IST1: variants seen among roughly 807,000 people sequenced by gnomAD.
IST1 encodes IST1 homolog.
IST1 carries 23 observed loss-of-function variants against 37.0 expected under a neutral mutation model. That is an observed-to-expected ratio of 0.62 (90% confidence interval 0.45 to 0.88). The LOEUF is 0.88. Ranked by LOEUF, IST1 falls within the 40% of genes least tolerant of loss-of-function variation. IST1 has a pLI of 0.00. For synonymous variants in IST1, 180 were observed against 161.7 expected (o/e 1.11, Z -0.86); for missense variants, 488 against 445.4 (o/e 1.10, Z -0.86).
intron 3 of IST1, 93 bp from the exon 4 acceptor site, chr16:71,916,954 A>T: frequency 1.4e-6 from 1 of 734,356 alleles, no homozygotes; most frequent in Non-Finnish European, 2.2e-6. Context: ...GATTCACAGA[A>T]TGGCTTTGGA....
Position 71,901,309 on chromosome 16 carries a change from G to A in IST1, c.-16+5720G>A, listed in dbSNP as rs182173233. On this transcript the variant is annotated intron_variant, in intron 1 of 9. Transcript: ENST00000378799. ...GCTCACTGCAAGCTCCACCTCCCGG[G>A]TTCACGCCATTCTCCTGCCTCACCC... Among the ~76,000 whole-genome samples, 47 of 152,166 alleles carry A rather than the reference G, an allele frequency of 3.1e-4. No homozygotes were observed. The East Asian group carries it at 8.1e-3, about 26-fold the overall frequency.
intron 1 of IST1, among the ~76,000 whole-genome samples, chr16:71,896,509 T>C (rs1181078068): frequency 6.6e-6 from 1 of 152,194 alleles, no homozygotes; most frequent in Non-Finnish European, 1.5e-5. Context: ...TTGTTTTATC[T>C]ATACCCTTCC....
chr16:71,901,719 A>C (rs1597232693), intron 1 of IST1, among the ~76,000 whole-genome samples: 2 of 152,286 alleles, frequency 1.3e-5, no homozygotes, highest in East Asian at 3.9e-4. Context: ...TTCTTTCCTT[A>C]ATTCTAAAAC....
chr16:71,920,026 G>A (rs902288692), intron 4 of IST1, among the ~76,000 whole-genome samples: 1 of 152,180 alleles, frequency 6.6e-6, no homozygotes, highest in Non-Finnish European at 1.5e-5. Context: ...CTACACATCT[G>A]GACCCTACTG....
chr16:71,912,771 T>TC (rs1193243749), intron 1 of IST1, among the ~76,000 whole-genome samples: 1 of 152,142 alleles, frequency 6.6e-6, no homozygotes, highest in Non-Finnish European at 1.5e-5. Flanking sequence ...TTCCCCCTAC[T>TC]CCCGGACCCT....
intron 8 of IST1, chr16:71,924,251 G>A (rs768495441): frequency 2.2e-6 from 1 of 444,496 alleles, no homozygotes; most frequent in Non-Finnish European, 4.5e-6. Context: ...TTGCCCAAAG[G>A]TGAAAGTATC....
intron 7 of IST1, chr16:71,922,892 A>G (rs1416451002): frequency 3.3e-6 from 2 of 597,580 alleles, no homozygotes; most frequent in South Asian, 4.1e-5. Context: ...AGTTGGTGCT[A>G]GAAAAACACT....
At chr16:71,916,423 C>G (rs2037467963) in intron 2 of IST1, 39 bp from the exon 3 acceptor site, 2 of 1,601,226 alleles carry the variant, frequency 1.2e-6, no homozygotes, top group Admixed American at 1.7e-5. Context: ...GATGCAAGTG[C>G]TCTACTGCTG....
intron 1 of IST1, among the ~76,000 whole-genome samples, chr16:71,897,944 G>A (rs1023739038): frequency 7.2e-5 from 11 of 152,222 alleles, no homozygotes; most frequent in African/African-American, 1.4e-4. Context: ...GTGAGAATCC[G>A]TCTCAAAAAG....
chr16:71,904,519 T>G (rs1432891685), intron 1 of IST1, among the ~76,000 whole-genome samples: 1 of 152,158 alleles, frequency 6.6e-6, no homozygotes, highest in African/African-American at 2.4e-5. Context: ...CTTAAGCAGT[T>G]CTCCCACTTC....
At chr16:71,902,817 T>C (rs960418564) in intron 1 of IST1, among the ~76,000 whole-genome samples, 1 of 152,192 alleles carries the variant, frequency 6.6e-6, no homozygotes, top group Admixed American at 6.6e-5. Context: ...TATATAGGTA[T>C]GTCAGTTTTT....
At chr16:71,922,407 ACT>A (rs2037615191) in intron 6 of IST1, 65 bp from the exon 7 acceptor site, 1 of 1,342,954 alleles carries the variant, frequency 7.4e-7, no homozygotes, top group South Asian at 1.2e-5. Flanking sequence ...TCCATCTCAG[ACT>A]CCGCTTTCTG....
chr16:71,910,611 AAAAAAAAG>A (rs1410627713), intron 1 of IST1, among the ~76,000 whole-genome samples: 5 of 151,474 alleles, frequency 3.3e-5, no homozygotes, highest in South Asian at 2.1e-4. Context: ...GTCTCAAAAA[AAAAAAAAG>A]AAAAAAAAGA....
chr16:71,925,603 C>T (rs924624540), intron 9 of IST1, among the ~76,000 whole-genome samples: 4 of 152,052 alleles, frequency 2.6e-5, no homozygotes, highest in African/African-American at 4.8e-5. Context: ...CATGAGCCAC[C>T]GTGCCCGGCC....
At chr16:71,898,672 A>C (rs978648693) in intron 1 of IST1, among the ~76,000 whole-genome samples, 35 of 151,194 alleles carry the variant, frequency 2.3e-4, no homozygotes, top group South Asian at 8.3e-4. Flanking sequence ...TAAAAAAAAA[A>C]AAAAAACAAA....
Position 71,922,689 on chromosome 16 carries a change from A to AAGTGTGGG in IST1, c.759+9_759+10insAGTGTGGG, listed in dbSNP as rs75418123. The AAGTGTGGG allele has an allele frequency of 7.5e-7, 1 of 1,326,506 alleles. No individual in the cohort carries two copies. The highest frequency in any genetic ancestry group is 1.0e-6 in the Non-Finnish European group (1 of 989,370). 82.2% of individuals were successfully genotyped at this position (1,326,506 alleles called of 1,614,324 possible). ...CACTGCCAAAGGGACCAGTAAGTAT[A>AAGTGTGGG]TATAAGTGTGGATGTAAGCTTTAGA... is the stretch of plus-strand genomic sequence containing the variant. On this transcript the variant is annotated intron_variant, in intron 7 of 9. Transcript: ENST00000378799.
At chr16:71,906,769 G>T (rs746377287) in intron 1 of IST1, among the ~76,000 whole-genome samples, 2 of 151,820 alleles carry the variant, frequency 1.3e-5, no homozygotes, top group African/African-American at 2.4e-5. Context: ...ACGTTGTTTC[G>T]CTTCCTTTTG....
intron 8 of IST1, chr16:71,924,552 C>T (rs2037690924): frequency 1.7e-6 from 1 of 594,334 alleles, no homozygotes; most frequent in South Asian, 2.0e-5. Context: ...GATTGTATCA[C>T]TGCACTCCAG....
chr16:71,915,586 G>C (rs747330923), intron 1 of IST1, 40 bp from the exon 2 acceptor site: 1 of 1,435,322 alleles, frequency 7.0e-7, no homozygotes, highest in Non-Finnish European at 9.6e-7. Context: ...CTGAACTAAT[G>C]TTGACTTGAA....
Sources: gnomAD v4.1 joint callset for allele counts (sites outside exome capture counted in the v4.1 genomes callset) on GRCh38, gnomAD v4.1.1 for gene constraint, MANE v1.5 for transcripts, NCBI Gene and HGNC (gene_info 2026-07-23, HGNC 2026-07-21) for gene names.